NALF1: variants seen among roughly 807,000 people sequenced by gnomAD.
The protein encoded by NALF1 is NALCN channel auxiliary factor 1.
A neutral mutation model predicts 48.4 loss-of-function variants in NALF1; 3 were observed. The observed-to-expected ratio is 0.06, with a 90% CI of 0.03 to 0.16. The LOEUF (loss-of-function observed/expected upper bound fraction) is 0.16, where lower values mean the gene tolerates loss of function less well. Ranked by LOEUF, NALF1 falls within the 10% of genes least tolerant of loss-of-function variation. The probability of loss-of-function intolerance (pLI) is 1.00; values close to 1 mark genes in which losing one functional copy is unlikely to be tolerated. For missense variants in NALF1, 526 were observed against 571.5 expected, an observed-to-expected ratio of 0.92 and a Z score of 0.81; for synonymous variants, 262 against 245.7, an observed-to-expected ratio of 1.07 and a Z score of -0.62.
intron 1 of NALF1, among the ~76,000 whole-genome samples, chr13:107,449,859 C>T (rs1205108308): frequency 6.6e-6 from 1 of 152,106 alleles, no homozygotes; most frequent in Non-Finnish European, 1.5e-5. Flanking sequence ...GTTAAGGAAA[C>T]AGAGTCACAC....
chr13:107,296,529 C>G (rs3843684), intron 1 of NALF1, among the ~76,000 whole-genome samples: 7,942 of 152,236 alleles, frequency 0.052, 436 homozygotes, highest in East Asian at 0.32. Context: ...TTCAAAACTA[C>G]CATGGTCCTA....
chr13:107,603,333 A>T (rs895930448), intron 1 of NALF1, among the ~76,000 whole-genome samples: 21 of 152,230 alleles, frequency 1.4e-4, no homozygotes, highest in African/African-American at 3.6e-4. Context: ...AAGAAGAAAG[A>T]TTGCCATGTG....
rs117507324 is a variant in NALF1, at chr13:107,538,529, T to C, written c.915+327153A>G. 1.1e-3 allele frequency among the ~76,000 whole-genome samples: 171 copies of C among 152,288 alleles called. 2 individuals carry two copies. In the East Asian group the frequency reaches 0.029, roughly 26 times the overall value. On this transcript the variant is annotated intron_variant, in intron 1 of 2. Transcript: ENST00000375915. ...AAGGACCTACATGGAGTTCTAATCATATGATCTCATAAATTCTGTTTGTCA... is the reference window on the plus strand; with the variant it reads ...AAGGACCTACATGGAGTTCTAATCACATGATCTCATAAATTCTGTTTGTCA...
chr13:107,576,824 A>G (rs1397647650), intron 1 of NALF1, among the ~76,000 whole-genome samples: 2 of 152,166 alleles, frequency 1.3e-5, no homozygotes, highest in East Asian at 3.9e-4. Context: ...GTAGAAAATA[A>G]ATATTTCGTA....
intron 1 of NALF1, among the ~76,000 whole-genome samples, chr13:107,393,604 C>G (rs1200737313): frequency 6.6e-6 from 1 of 152,004 alleles, no homozygotes; most frequent in East Asian, 1.9e-4. Context: ...TTTCTCCCTT[C>G]AATAGAAATG....
intron 1 of NALF1, among the ~76,000 whole-genome samples, chr13:107,383,218 G>A (rs1230754940): frequency 6.6e-6 from 1 of 152,152 alleles, no homozygotes; most frequent in Non-Finnish European, 1.5e-5. Flanking sequence ...GGTATTATGT[G>A]ATTGATTATT....
intron 1 of NALF1, among the ~76,000 whole-genome samples, chr13:107,274,952 A>G (rs1881250184): frequency 6.6e-6 from 1 of 152,166 alleles, no homozygotes; most frequent in African/African-American, 2.4e-5. Flanking sequence ...CTACTTCATG[A>G]CTGGTTAGAT....
chr13:107,662,713 T>G (rs895538845), intron 1 of NALF1, among the ~76,000 whole-genome samples: 3 of 152,122 alleles, frequency 2.0e-5, no homozygotes, highest in Admixed American at 2.0e-4. Flanking sequence ...GTTAGCAAAT[T>G]AACAGTAAAG....
At chr13:107,378,937 G>T (rs538929470) in intron 1 of NALF1, among the ~76,000 whole-genome samples, 8 of 152,136 alleles carry the variant, frequency 5.3e-5, no homozygotes, top group Non-Finnish European at 4.4e-5. Context: ...AACAATCAGG[G>T]TTTGATATTT....
chr13:107,372,224 T>C (rs1425715484), intron 1 of NALF1, among the ~76,000 whole-genome samples: 6 of 152,256 alleles, frequency 3.9e-5, no homozygotes, highest in Admixed American at 3.9e-4. Flanking sequence ...TTAAACAATG[T>C]ACATGGAATT....
chr13:107,631,605 T>C (rs1879836540), intron 1 of NALF1, among the ~76,000 whole-genome samples: 1 of 152,062 alleles, frequency 6.6e-6, no homozygotes, highest in Non-Finnish European at 1.5e-5. Context: ...GAGGGAAGCA[T>C]GAACAACCAG....
At chr13:107,705,746 G>C (rs926965581) in intron 1 of NALF1, among the ~76,000 whole-genome samples, 14 of 151,948 alleles carry the variant, frequency 9.2e-5, no homozygotes, top group Admixed American at 1.3e-4. Flanking sequence ...TCTCTGCTGA[G>C]GACAAAACAA....
chr13:107,860,950 A>G (rs879278272), intron 1 of NALF1, among the ~76,000 whole-genome samples: 19 of 152,230 alleles, frequency 1.2e-4, no homozygotes, highest in Non-Finnish European at 2.1e-4. Context: ...GCAATATATA[A>G]CAGCAATTAT....
At chr13:107,711,779 T>G (rs1399414715) in intron 1 of NALF1, among the ~76,000 whole-genome samples, 1 of 152,222 alleles carries the variant, frequency 6.6e-6, no homozygotes, top group Non-Finnish European at 1.5e-5. Flanking sequence ...TCAAGACTAC[T>G]TCTAAAAACT....
At chr13:107,235,142 A>G (rs1470868318) in intron 1 of NALF1, among the ~76,000 whole-genome samples, 1 of 152,184 alleles carries the variant, frequency 6.6e-6, no homozygotes, top group African/African-American at 2.4e-5. Flanking sequence ...AACACCATTC[A>G]TCGTTGTATA....
At chr13:107,736,194 T>TACAC (rs891269318) in intron 1 of NALF1, among the ~76,000 whole-genome samples, 137 of 34,422 alleles carry the variant, frequency 4.0e-3, no homozygotes, top group African/African-American at 0.012. Flanking sequence ...CACACACACA[T>TACAC]ACACACACAC....
intron 1 of NALF1, among the ~76,000 whole-genome samples, chr13:107,213,795 G>A (rs182020004): frequency 5.8e-4 from 89 of 152,266 alleles, no homozygotes; most frequent in African/African-American, 2.0e-3. Context: ...GAAATAGCAC[G>A]TTAGTAAACA....
intron 1 of NALF1, among the ~76,000 whole-genome samples, chr13:107,538,354 C>T (rs973163164): frequency 2.0e-5 from 3 of 152,124 alleles, no homozygotes; most frequent in Non-Finnish European, 4.4e-5. Context: ...TGAATCCCCC[C>T]TTACCCACAA....
intron 1 of NALF1, among the ~76,000 whole-genome samples, chr13:107,840,456 G>A (rs1417728096): frequency 1.3e-5 from 2 of 152,190 alleles, no homozygotes; most frequent in Non-Finnish European, 2.9e-5. Context: ...CCTGGTCAAG[G>A]TTCAAGGTGT....
Sources: allele counts gnomAD v4.1 joint callset (sites outside exome capture counted in the v4.1 genomes callset), GRCh38; gene constraint gnomAD v4.1.1; transcripts MANE v1.5; gene names NCBI Gene and HGNC (gene_info 2026-07-23, HGNC 2026-07-21).